Variants in RORA observed in about 807,000 individuals in gnomAD.
RORA encodes the protein RAR related orphan receptor A, also known as nuclear receptor ROR-alpha.
A neutral mutation model predicts 69.5 loss-of-function variants in RORA; 7 were observed. The ratio of observed to expected loss-of-function variants is 0.10; its 90% CI spans 0.06 to 0.19. The LOEUF (loss-of-function observed/expected upper bound fraction) is 0.19, where lower values mean the gene tolerates loss of function less well. Ranked by LOEUF, RORA falls within the 10% of genes least tolerant of loss-of-function variation. The pLI is 1.00. For synonymous variants in RORA, 261 were observed against 240.8 expected (o/e 1.08, Z -0.78); for missense variants, 457 against 663.0 (o/e 0.69, Z 3.41).
intron 1 of RORA, among the ~76,000 whole-genome samples, chr15:61,120,713 A>AC (rs1253392046): frequency 1.3e-5 from 2 of 151,778 alleles, no homozygotes; most frequent in African/African-American, 4.8e-5. Context: ...AAAAAAAAAA[A>AC]AAAAAACATA....
intron 2 of RORA, among the ~76,000 whole-genome samples, chr15:60,579,055 C>A (rs2068112515): frequency 6.7e-6 from 1 of 149,496 alleles, no homozygotes; most frequent in Non-Finnish European, 1.5e-5. Context: ...GTGTGAGCCA[C>A]CGCGCCCGGT....
In RORA at chr15:61,225,366, T is replaced by C. The variant is rs1222481627; in HGVS notation, c.166+3687A>G. On this transcript the variant is annotated intron_variant, in intron 1 of 10. Coordinates refer to ENST00000335670, the MANE Select transcript of RORA (RefSeq NM_134261.3). ...ATCAATCTCTAGAAAGGGCGCTAAA[T>C]TGCTAGGTAAGAGCACCTACTAGAA... Among the ~76,000 whole-genome samples the C allele has an allele frequency of 5.3e-5, 8 of 152,210 alleles. No individual in the cohort carries two copies. In the East Asian group the frequency reaches 1.5e-3, roughly 29 times the overall value.
chr15:60,978,221 C>A (rs1485930326), intron 1 of RORA, among the ~76,000 whole-genome samples: 1 of 152,094 alleles, frequency 6.6e-6, no homozygotes, highest in Non-Finnish European at 1.5e-5. Flanking sequence ...AAAGTAGTAC[C>A]TTACTGTGGT....
At chr15:60,714,954 T>G (rs1254144409) in intron 1 of RORA, among the ~76,000 whole-genome samples, 2 of 152,064 alleles carry the variant, frequency 1.3e-5, no homozygotes, top group Middle Eastern at 3.4e-3. Flanking sequence ...CAAAATCAAG[T>G]GAGGGGTAAA....
intron 1 of RORA, among the ~76,000 whole-genome samples, chr15:60,967,418 AGGAG>A (rs1364123023): frequency 6.6e-6 from 1 of 152,214 alleles, no homozygotes; most frequent in Admixed American, 6.5e-5. Flanking sequence ...GAATGGAGCT[AGGAG>A]GGACAGAAGC....
intron 1 of RORA, among the ~76,000 whole-genome samples, chr15:61,218,674 T>TCACA (rs3054672): frequency 0.14 from 19,618 of 142,570 alleles, 1,384 homozygotes; most frequent in African/African-American, 0.16. Context: ...CTAATATAAC[T>TCACA]CACACACACA....
At chr15:60,876,097 C>A (rs1414426204) in intron 1 of RORA, among the ~76,000 whole-genome samples, 1 of 152,152 alleles carries the variant, frequency 6.6e-6, no homozygotes, top group African/African-American at 2.4e-5. Context: ...TACCACCACA[C>A]CCTCCTGAAG....
At position 60,531,529 on chromosome 15, in the gene RORA, T is replaced by C. The variant is rs1014113103; in HGVS notation, c.282+237A>G. On this transcript the variant is annotated intron_variant, in intron 3 of 10. Transcript: ENST00000335670. The surrounding 1 kb of genome is among the most constrained non-coding windows in gnomAD (Gnocchi z 4.8). ...AGTTCAACTCTGGGGTTGAAAGTGA[T>C]AAACAAGCAATGCTCAAATACCTTT... 5 of 430,606 alleles carry C rather than the reference T, an allele frequency of 1.2e-5. No homozygotes were observed. Among genetic ancestry groups the C allele is most frequent in the African/African-American group, 1.0e-4 (5 of 47,644 alleles). 26.7% of individuals were successfully genotyped at this position (430,606 alleles called of 1,614,324 possible).
At chr15:60,915,020 G>C (rs1891832065) in intron 1 of RORA, among the ~76,000 whole-genome samples, 1 of 152,204 alleles carries the variant, frequency 6.6e-6, no homozygotes, top group Non-Finnish European at 1.5e-5. Flanking sequence ...TTCCGAATGA[G>C]GAGGGGAGAT....
intron 1 of RORA, among the ~76,000 whole-genome samples, chr15:60,830,990 C>G (rs1313281301): frequency 6.6e-6 from 1 of 152,064 alleles, no homozygotes; most frequent in Non-Finnish European, 1.5e-5. Flanking sequence ...AGAGAAACCC[C>G]AATTCAACAT....
intron 1 of RORA, among the ~76,000 whole-genome samples, chr15:61,123,853 T>A (rs920465241): frequency 3.9e-5 from 6 of 152,218 alleles, no homozygotes. Context: ...ATGACCCTTC[T>A]GTCTACTTCC....
chr15:60,501,558 G>A (rs1007201070), intron 8 of RORA, among the ~76,000 whole-genome samples: 28 of 152,164 alleles, frequency 1.8e-4, no homozygotes, highest in Admixed American at 3.3e-4. Context: ...AAGCTAGGCT[G>A]ACTGATTTCA....
chr15:60,762,279 C>G (rs377482026), intron 1 of RORA, among the ~76,000 whole-genome samples: 4 of 152,172 alleles, frequency 2.6e-5, no homozygotes, highest in African/African-American at 9.7e-5. Flanking sequence ...AAGATAACAT[C>G]TCTGGGAGGC....
At chr15:60,770,550 A>G (rs1278035850) in intron 1 of RORA, among the ~76,000 whole-genome samples, 2 of 152,212 alleles carry the variant, frequency 1.3e-5, no homozygotes, top group African/African-American at 4.8e-5. Context: ...ATGGGGCATA[A>G]AATTTCCAAT....
At chr15:60,878,170 CAAAAA>C (rs11362081) in intron 1 of RORA, among the ~76,000 whole-genome samples, 29 of 69,690 alleles carry the variant, frequency 4.2e-4, no homozygotes, top group African/African-American at 7.3e-4. Flanking sequence ...ACTAAAAATA[CAAAAA>C]AAAAAAAAAA....
rs538473438 is a variant in RORA at position 60,587,611 on chromosome 15, C to A, written c.197-55760G>T. ...TAAATGATGTAAGAGTGTTTGTAAA[C>A]CATAAAGCACAAAATAAATATAGAT... is the stretch of plus-strand genomic sequence containing the variant. On this transcript the variant is annotated intron_variant, in intron 2 of 10. Coordinates refer to ENST00000335670, the MANE Select transcript of RORA (RefSeq NM_134261.3). Among the ~76,000 whole-genome samples, 127 of 152,172 alleles carry A rather than the reference C, an allele frequency of 8.3e-4. 1 individual carries two copies. Among genetic ancestry groups the A allele is most frequent in the Middle Eastern group, 3.4e-3 (1 of 294 alleles).
intron 1 of RORA, among the ~76,000 whole-genome samples, chr15:61,150,626 G>C (rs988173130): frequency 1.3e-5 from 2 of 152,150 alleles, no homozygotes; most frequent in Non-Finnish European, 2.9e-5. Flanking sequence ...CTTATTTAAA[G>C]ATTCAAGGTT....
intron 1 of RORA, among the ~76,000 whole-genome samples, chr15:60,728,036 T>C (rs2071383763): frequency 6.6e-6 from 1 of 152,234 alleles, no homozygotes; most frequent in Admixed American, 6.5e-5. Flanking sequence ...TGTGAAACAC[T>C]GAGCCTAGTA....
intron 1 of RORA, among the ~76,000 whole-genome samples, chr15:61,021,983 T>C (rs1895550885): frequency 6.6e-6 from 1 of 152,180 alleles, no homozygotes; most frequent in East Asian, 1.9e-4. Flanking sequence ...ATAAGTGCCC[T>C]TGGTCAAATA....
Sources: gnomAD v4.1 joint callset for allele counts (sites outside exome capture counted in the v4.1 genomes callset) on GRCh38, gnomAD v4.1.1 for gene constraint, Gnocchi (gnomAD v3.1) non-coding constraint, MANE v1.5 for transcripts, NCBI Gene and HGNC (gene_info 2026-07-23, HGNC 2026-07-21) for gene names.